HTR4: variants seen among roughly 807,000 people sequenced by gnomAD.
The protein encoded by HTR4 is 5-hydroxytryptamine (serotonin) receptor 4, G protein-coupled.
HTR4 carries 16 observed loss-of-function variants against 36.8 expected under a neutral mutation model. The observed-to-expected ratio is 0.43, with a 90% CI of 0.29 to 0.66. HTR4 has a LOEUF of 0.66. Ranked by LOEUF, HTR4 falls within the 30% of genes least tolerant of loss-of-function variation. The pLI, the probability that HTR4 is intolerant of heterozygous loss-of-function variation, is 0.13. For missense variants in HTR4, 438 were observed against 490.9 expected, an observed-to-expected ratio of 0.89 and a Z score of 1.02; for synonymous variants, 189 against 185.1, an observed-to-expected ratio of 1.02 and a Z score of -0.17.
At chr5:148,498,378 C>A (rs1356349436) in intron 6 of HTR4, among the ~76,000 whole-genome samples, 1 of 152,112 alleles carries the variant, frequency 6.6e-6, no homozygotes, top group Non-Finnish European at 1.5e-5. Context: ...CTTTTAGGAT[C>A]TCAGGGAAGA....
intron 5 of HTR4, among the ~76,000 whole-genome samples, chr5:148,522,589 G>A (rs564184164): frequency 7.3e-4 from 111 of 152,284 alleles, no homozygotes; most frequent in African/African-American, 2.6e-3. Context: ...CATGACATTT[G>A]TTAAAGCAGT....
chr5:148,506,390 T>C (rs1011725635), intron 6 of HTR4, among the ~76,000 whole-genome samples: 2 of 152,176 alleles, frequency 1.3e-5, no homozygotes, highest in African/African-American at 4.8e-5. Flanking sequence ...GATTAAAGAC[T>C]TAAATGTCAG....
At chr5:148,499,761 T>C (rs1174348646) in intron 6 of HTR4, among the ~76,000 whole-genome samples, 1 of 152,180 alleles carries the variant, frequency 6.6e-6, no homozygotes, top group Non-Finnish European at 1.5e-5. Flanking sequence ...GTCTGGGTTA[T>C]GGGGGTGGAG....
intron 2 of HTR4, among the ~76,000 whole-genome samples, chr5:148,632,072 G>A (rs1055144912): frequency 1.3e-5 from 2 of 151,988 alleles, no homozygotes; most frequent in Non-Finnish European, 2.9e-5. Context: ...CTTCTTTCTT[G>A]GATTTCTTTC....
At chr5:148,503,471 C>T (rs1474302236) in intron 6 of HTR4, among the ~76,000 whole-genome samples, 3 of 152,140 alleles carry the variant, frequency 2.0e-5, no homozygotes, top group Non-Finnish European at 4.4e-5. Flanking sequence ...CAGGCCAGCC[C>T]TAAAAGAGCT....
At chr5:148,538,217 A>T (rs1758926925) in intron 4 of HTR4, among the ~76,000 whole-genome samples, 2 of 152,196 alleles carry the variant, frequency 1.3e-5, no homozygotes, top group African/African-American at 4.8e-5. Context: ...AAAACTAGGT[A>T]TTGAGGGAAC....
chr5:148,528,374 A>G (rs1758390064), intron 4 of HTR4, among the ~76,000 whole-genome samples: 1 of 152,062 alleles, frequency 6.6e-6, no homozygotes, highest in Non-Finnish European at 1.5e-5. Flanking sequence ...CATCTACTTA[A>G]CTTTATGTGC....
intron 4 of HTR4, among the ~76,000 whole-genome samples, chr5:148,543,547 A>G (rs1051331744): frequency 3.9e-5 from 6 of 152,212 alleles, no homozygotes; most frequent in Non-Finnish European, 7.3e-5. Flanking sequence ...AATATATTCA[A>G]ATAAGTCTGC....
chr5:148,569,991 C>T (rs1760610024), intron 2 of HTR4, among the ~76,000 whole-genome samples: 1 of 151,998 alleles, frequency 6.6e-6, no homozygotes, highest in African/African-American at 2.4e-5. Context: ...CCTGTGAATC[C>T]CATCTTTTGC....
chr5:148,559,783 A>G (rs1378255012), intron 2 of HTR4, among the ~76,000 whole-genome samples: 1 of 152,104 alleles, frequency 6.6e-6, no homozygotes, highest in African/African-American at 2.4e-5. Context: ...CAAAGCAATT[A>G]CGTAAGATGC....
intron 4 of HTR4, among the ~76,000 whole-genome samples, chr5:148,524,218 TAC>T (rs1758155892): frequency 6.6e-6 from 1 of 152,304 alleles, no homozygotes; most frequent in East Asian, 1.9e-4. Flanking sequence ...TCCAAACACG[TAC>T]ACTTCTTGGC....
chr5:148,644,264 C>T (rs1183202046), intron 1 of HTR4, among the ~76,000 whole-genome samples: 4 of 151,856 alleles, frequency 2.6e-5, no homozygotes, highest in Non-Finnish European at 5.9e-5. Flanking sequence ...CTCATCAGGT[C>T]GTATGTTAAA....
intron 1 of HTR4, among the ~76,000 whole-genome samples, chr5:148,638,530 C>T (rs552606471): frequency 3.3e-5 from 5 of 152,264 alleles, no homozygotes; most frequent in Admixed American, 1.3e-4. Flanking sequence ...TTTATCCCTA[C>T]GTTGAGACTT....
At chr5:148,598,025 C>A (rs1761847612) in intron 2 of HTR4, among the ~76,000 whole-genome samples, 1 of 152,154 alleles carries the variant, frequency 6.6e-6, no homozygotes, top group Non-Finnish European at 1.5e-5. Flanking sequence ...AGGCAAAATA[C>A]CTTCATTCCA....
chr5:148,452,504 C>T (rs774324357), intron 5 of HTR4, among the ~76,000 whole-genome samples: 3 of 152,176 alleles, frequency 2.0e-5, no homozygotes, highest in Middle Eastern at 3.2e-3. Context: ...GGGTAGGGAC[C>T]GGGGATGCTG....
intron 4 of HTR4, among the ~76,000 whole-genome samples, chr5:148,524,522 C>A (rs1461966397): frequency 6.6e-6 from 1 of 152,148 alleles, no homozygotes; most frequent in Non-Finnish European, 1.5e-5. Context: ...ACAATCTGCC[C>A]ATTCAACAGT....
intron 4 of HTR4, among the ~76,000 whole-genome samples, chr5:148,545,871 T>C (rs1193660596): frequency 6.6e-6 from 1 of 152,206 alleles, no homozygotes; most frequent in Admixed American, 6.5e-5. Context: ...GCAACAGTAT[T>C]AGAGCAGCAT....
chr5:148,530,693 G>A (rs1336997753), intron 4 of HTR4, among the ~76,000 whole-genome samples: 1 of 152,202 alleles, frequency 6.6e-6, no homozygotes, highest in Admixed American at 6.5e-5. Flanking sequence ...AAGAGGGCCA[G>A]CATCCCCAGA....
chr5:148,486,276 G>T (rs1286664825), intron 6 of HTR4, among the ~76,000 whole-genome samples: 1 of 151,984 alleles, frequency 6.6e-6, no homozygotes, highest in Non-Finnish European at 1.5e-5. Context: ...CTTCATGCAT[G>T]ATAAAAAAAA....
Sources: allele counts gnomAD v4.1 joint callset (sites outside exome capture counted in the v4.1 genomes callset), GRCh38; gene constraint gnomAD v4.1.1; transcripts MANE v1.5; gene names NCBI Gene and HGNC (gene_info 2026-07-23, HGNC 2026-07-21).